Variants in GNAQ observed in about 807,000 individuals in gnomAD.
The protein encoded by GNAQ is G protein subunit alpha q, also known as guanine nucleotide-binding protein G(q) subunit alpha.
A neutral mutation model predicts 43.9 loss-of-function variants in GNAQ; 8 were observed. The observed-to-expected ratio is 0.18, with a 90% CI of 0.11 to 0.33. The LOEUF (loss-of-function observed/expected upper bound fraction) is 0.33. Among genes scored for constraint, GNAQ ranks in the 10% least tolerant of loss-of-function variants. The pLI is 1.00. For synonymous variants in GNAQ, 155 were observed against 170.7 expected, an observed-to-expected ratio of 0.91 and a Z score of 0.71; for missense variants, 158 against 450.8, an observed-to-expected ratio of 0.35 and a Z score of 5.88.
chr9:77,944,162 T>C (rs1217517792), intron 1 of GNAQ, among the ~76,000 whole-genome samples: 1 of 152,164 alleles, frequency 6.6e-6, no homozygotes, highest in African/African-American at 2.4e-5. Flanking sequence ...AACAATAGGA[T>C]ATCTGGCTAA....
At chr9:77,811,213 A>T (rs928592323) in intron 3 of GNAQ, among the ~76,000 whole-genome samples, 9 of 151,780 alleles carry the variant, frequency 5.9e-5, no homozygotes, top group Non-Finnish European at 3.0e-5. Flanking sequence ...ATATTTCTGT[A>T]AGATGAATAT....
intron 2 of GNAQ, among the ~76,000 whole-genome samples, chr9:77,838,887 G>C (rs1206738145): frequency 6.6e-6 from 1 of 151,956 alleles, no homozygotes; most frequent in African/African-American, 2.4e-5. Context: ...CTGAAGAGAA[G>C]ATGATTTCTA....
intron 5 of GNAQ, among the ~76,000 whole-genome samples, chr9:77,737,272 A>G (rs1219418037): frequency 6.6e-6 from 1 of 152,230 alleles, no homozygotes; most frequent in Non-Finnish European, 1.5e-5. Flanking sequence ...AGCAACTGCC[A>G]CCACTGCCTT....
At chr9:77,740,387 T>C (rs150883157) in intron 5 of GNAQ, among the ~76,000 whole-genome samples, 2 of 152,314 alleles carry the variant, frequency 1.3e-5, no homozygotes, top group East Asian at 1.9e-4. Flanking sequence ...ACTGTAAGCA[T>C]ATGGTGAGCA....
At position 77,811,151 on chromosome 9, in the gene GNAQ, A is replaced by G. The variant is rs573412038; in HGVS notation, c.476+4465T>C. ...AGTATTCCCTAAATCTACTCTGAAGACCTACCACTAGAGACAGGCAGCACC... is the reference window on the plus strand; with the variant it reads ...AGTATTCCCTAAATCTACTCTGAAGGCCTACCACTAGAGACAGGCAGCACC... On this transcript the variant is annotated intron_variant, in intron 3 of 6. Coordinates refer to ENST00000286548, the MANE Select transcript of GNAQ (RefSeq NM_002072.5). Among the ~76,000 whole-genome samples, 11 of 152,228 alleles carry G rather than the reference A, an allele frequency of 7.2e-5. No homozygotes were observed. In the East Asian group the frequency reaches 1.2e-3, roughly 16 times the overall value.
At chr9:77,862,429 A>T (rs564753643) in intron 2 of GNAQ, among the ~76,000 whole-genome samples, 2 of 152,262 alleles carry the variant, frequency 1.3e-5, no homozygotes, top group East Asian at 3.9e-4. Context: ...TTCTGTGCAC[A>T]TGCAGGCTAA....
intron 5 of GNAQ, among the ~76,000 whole-genome samples, chr9:77,783,910 A>G (rs1475446070): frequency 6.6e-6 from 1 of 152,184 alleles, no homozygotes; most frequent in Non-Finnish European, 1.5e-5. Flanking sequence ...CTTAAAAAAA[A>G]TTCTTGATGA....
At chr9:77,790,375 A>G (rs992064907) in intron 5 of GNAQ, among the ~76,000 whole-genome samples, 3 of 152,222 alleles carry the variant, frequency 2.0e-5, no homozygotes, top group East Asian at 1.9e-4. Flanking sequence ...AACAAAGTAC[A>G]TGTTTCACAC....
intron 1 of GNAQ, among the ~76,000 whole-genome samples, chr9:78,021,045 C>CTT (rs545575616): frequency 0.084 from 9,415 of 111,980 alleles, 548 homozygotes; most frequent in African/African-American, 0.091. Context: ...CAGGAAGCTG[C>CTT]TTTTTTTTTT....
intron 1 of GNAQ, among the ~76,000 whole-genome samples, chr9:77,993,827 C>T (rs1385279016): frequency 2.0e-5 from 3 of 151,920 alleles, no homozygotes; most frequent in East Asian, 1.9e-4. Flanking sequence ...AATATATGAA[C>T]ACATAACTGT....
intron 1 of GNAQ, among the ~76,000 whole-genome samples, chr9:77,982,550 C>G (rs1057285178): frequency 4.6e-5 from 7 of 151,954 alleles, no homozygotes; most frequent in African/African-American, 1.7e-4. Context: ...AAGTATGATA[C>G]AAACAAACAT....
chr9:77,826,551 G>A (rs531271196), intron 2 of GNAQ, among the ~76,000 whole-genome samples: 10 of 152,308 alleles, frequency 6.6e-5, no homozygotes, highest in Admixed American at 5.9e-4. Flanking sequence ...ACTGAGGCAC[G>A]CCTTAAGTGC....
intron 1 of GNAQ, among the ~76,000 whole-genome samples, chr9:77,999,201 C>G (rs1391230192): frequency 6.6e-6 from 1 of 150,924 alleles, no homozygotes; most frequent in East Asian, 2.0e-4. Flanking sequence ...GAATTATCCT[C>G]TCTTCTAAAA....
At chr9:77,835,168 C>G (rs1482115244) in intron 2 of GNAQ, among the ~76,000 whole-genome samples, 2 of 152,034 alleles carry the variant, frequency 1.3e-5, no homozygotes, top group East Asian at 1.9e-4. Flanking sequence ...ATACACAGAA[C>G]AGCATGCAAT....
intron 1 of GNAQ, among the ~76,000 whole-genome samples, chr9:78,009,575 T>C (rs536012524): frequency 2.6e-5 from 4 of 152,350 alleles, no homozygotes; most frequent in African/African-American, 9.6e-5. Flanking sequence ...TGACAGACTA[T>C]GGCAATCTGT....
intron 1 of GNAQ, among the ~76,000 whole-genome samples, chr9:77,923,042 A>G (rs1829021181): frequency 6.6e-6 from 1 of 151,566 alleles, no homozygotes; most frequent in South Asian, 2.1e-4. Flanking sequence ...ATTTCTGTAG[A>G]GACAGGTTCT....
intron 2 of GNAQ, among the ~76,000 whole-genome samples, chr9:77,864,658 G>C (rs747223411): frequency 3.3e-5 from 5 of 152,172 alleles, no homozygotes; most frequent in Non-Finnish European, 7.4e-5. Context: ...GAGCCTCCAA[G>C]AAAAGAATGT....
chr9:77,983,028 C>T (rs1402741547), intron 1 of GNAQ, among the ~76,000 whole-genome samples: 1 of 152,202 alleles, frequency 6.6e-6, no homozygotes, highest in African/African-American at 2.4e-5. Context: ...AAAATACCTA[C>T]ATGGGTCTCT....
At chr9:77,917,373 T>TG (rs562697961) in intron 2 of GNAQ, among the ~76,000 whole-genome samples, 2 of 150,980 alleles carry the variant, frequency 1.3e-5, no homozygotes, top group Admixed American at 6.6e-5. Flanking sequence ...GGAAGGAGGG[T>TG]GGGGGGGAAG....
Sources: gnomAD v4.1 joint callset for allele counts (sites outside exome capture counted in the v4.1 genomes callset) on GRCh38, gnomAD v4.1.1 for gene constraint, MANE v1.5 for transcripts, NCBI Gene and HGNC (gene_info 2026-07-23, HGNC 2026-07-21) for gene names.